The following ITFG1 variants were observed in gnomAD, a reference collection of about 807,000 sequenced individuals.
ITFG1 encodes integrin alpha FG-GAP repeat containing 1.
In ITFG1, 34 loss-of-function variants were observed where a neutral mutation model predicts 81.8. That is an observed-to-expected ratio of 0.42 (90% CI 0.32 to 0.55). The LOEUF is 0.55. Among genes scored for constraint, ITFG1 ranks in the 20% least tolerant of loss-of-function variants. The probability of loss-of-function intolerance (pLI) is 0.17; values close to 1 mark genes in which losing one functional copy is unlikely to be tolerated. For missense variants in ITFG1, 672 were observed against 755.4 expected, an observed-to-expected ratio of 0.89 and a Z score of 1.29; for synonymous variants, 285 against 270.6, an observed-to-expected ratio of 1.05 and a Z score of -0.52.
intron 14 of ITFG1, among the ~76,000 whole-genome samples, chr16:47,192,605 C>T (rs1289310115): frequency 6.6e-6 from 1 of 152,164 alleles, no homozygotes; most frequent in Non-Finnish European, 1.5e-5. Context: ...CCACCTGCCC[C>T]TTAGGTGAGA....
At chr16:47,227,895 A>AT (rs1451291012) in intron 13 of ITFG1, among the ~76,000 whole-genome samples, 1 of 152,124 alleles carries the variant, frequency 6.6e-6, no homozygotes, top group Non-Finnish European at 1.5e-5. Flanking sequence ...AATCCTGTTT[A>AT]TTTTTTAAGT....
At chr16:47,274,017 G>A (rs940279080) in intron 10 of ITFG1, among the ~76,000 whole-genome samples, 18 of 152,184 alleles carry the variant, frequency 1.2e-4, no homozygotes, top group Non-Finnish European at 2.6e-4. Context: ...AGCACTTTGG[G>A]AGACCGAGGT....
In ITFG1 at chr16:47,298,320, C is replaced by CT. The variant is rs1967016049; in HGVS notation, c.1070+12919dup. ...ATTTAAATTGGTATTTTGATTATTT[C>CT]TTTTTGGTTAGGATCTATTACCGGA... On this transcript the variant is annotated intron_variant, in intron 10 of 17. Transcript: ENST00000320640. Among the ~76,000 whole-genome samples, 3 of 151,974 alleles carry CT rather than the reference C, an allele frequency of 2.0e-5. No homozygotes were observed. In the South Asian group the frequency reaches 6.2e-4, roughly 31 times the overall value.
Position 47,243,337 on chromosome 16 carries a change from T to C in ITFG1, c.1331-5329A>G, listed in dbSNP as rs570827309. ...AAAAGGGAGACCTACTTTTATCATA[T>C]ACTCTTGTAGTTTTTAATAGACCAT... On this transcript the variant is annotated intron_variant, in intron 12 of 17. Transcript: ENST00000320640. Among the ~76,000 whole-genome samples, 4 of 152,306 alleles carry C rather than the reference T, an allele frequency of 2.6e-5. No individual in the cohort carries two copies. The East Asian group carries it at 5.8e-4, about 22-fold the overall frequency.
intron 5 of ITFG1, among the ~76,000 whole-genome samples, chr16:47,441,106 A>T (rs1969243439): frequency 6.6e-6 from 1 of 152,206 alleles, no homozygotes; most frequent in Admixed American, 6.5e-5. Context: ...CTCGACACAT[A>T]CACCCTCCCA....
chr16:47,405,881 A>C (rs1217974448), intron 6 of ITFG1, among the ~76,000 whole-genome samples: 4 of 152,206 alleles, frequency 2.6e-5, no homozygotes, highest in Non-Finnish European at 5.9e-5. Context: ...TCCTGGTTCT[A>C]ATAATAGATA....
chr16:47,293,291 G>A (rs1055831764), intron 10 of ITFG1, among the ~76,000 whole-genome samples: 1 of 150,934 alleles, frequency 6.6e-6, no homozygotes, highest in African/African-American at 2.4e-5. Flanking sequence ...ATCTTTGCTA[G>A]TATGAATACC....
At chr16:47,365,242 A>G (rs1354198217) in intron 8 of ITFG1, among the ~76,000 whole-genome samples, 2 of 152,178 alleles carry the variant, frequency 1.3e-5, no homozygotes, top group African/African-American at 2.4e-5. Context: ...CATCTCATAC[A>G]ATTACTCTGA....
chr16:47,209,822 G>C (rs1413987272), intron 14 of ITFG1, among the ~76,000 whole-genome samples: 1 of 152,114 alleles, frequency 6.6e-6, no homozygotes, highest in Non-Finnish European at 1.5e-5. Flanking sequence ...AAACTTCTGG[G>C]ATAGGCTTTT....
At chr16:47,241,181 T>C (rs902316602) in intron 12 of ITFG1, among the ~76,000 whole-genome samples, 1 of 152,156 alleles carries the variant, frequency 6.6e-6, no homozygotes, top group African/African-American at 2.4e-5. Flanking sequence ...ATTGGAACTC[T>C]CATACATTTC....
intron 2 of ITFG1, among the ~76,000 whole-genome samples, chr16:47,456,317 A>T (rs1969452270): frequency 6.6e-6 from 1 of 152,240 alleles, no homozygotes; most frequent in African/African-American, 2.4e-5. Context: ...TACATTTAAA[A>T]GATTAGGAGA....
At chr16:47,181,250 C>A (rs1965109165) in intron 14 of ITFG1, among the ~76,000 whole-genome samples, 1 of 147,714 alleles carries the variant, frequency 6.8e-6, no homozygotes, top group South Asian at 2.2e-4. Context: ...AAGTGAGGAG[C>A]CCCTCCGCCC....
At chr16:47,371,622 T>C (rs1188329784) in intron 7 of ITFG1, among the ~76,000 whole-genome samples, 4 of 152,290 alleles carry the variant, frequency 2.6e-5, no homozygotes, top group African/African-American at 9.6e-5. Flanking sequence ...TGAAGCAGTA[T>C]GTAATGATGA....
intron 14 of ITFG1, among the ~76,000 whole-genome samples, chr16:47,201,497 G>A (rs1334105119): frequency 2.0e-5 from 3 of 152,132 alleles, no homozygotes; most frequent in East Asian, 1.9e-4. Context: ...GTGAGCCACC[G>A]TGCCCGGCTA....
intron 7 of ITFG1, among the ~76,000 whole-genome samples, chr16:47,371,258 T>C (rs1487935070): frequency 1.3e-5 from 2 of 152,264 alleles, no homozygotes; most frequent in Non-Finnish European, 2.9e-5. Context: ...TCTTTAAGCA[T>C]TCCTTGACTT....
intron 14 of ITFG1, among the ~76,000 whole-genome samples, chr16:47,214,935 C>T (rs937096190): frequency 1.3e-4 from 20 of 151,718 alleles, no homozygotes; most frequent in African/African-American, 4.6e-4. Flanking sequence ...CACACACACA[C>T]ACACACACAC....
chr16:47,231,445 T>C (rs967585517), intron 13 of ITFG1, among the ~76,000 whole-genome samples: 3 of 152,258 alleles, frequency 2.0e-5, no homozygotes, highest in Non-Finnish European at 4.4e-5. Flanking sequence ...ACTCTTTTGA[T>C]TCACAGATAT....
chr16:47,347,901 A>G (rs1384566512), intron 8 of ITFG1, among the ~76,000 whole-genome samples: 4 of 152,120 alleles, frequency 2.6e-5, no homozygotes, highest in African/African-American at 9.7e-5. Flanking sequence ...TTCGCTGTTC[A>G]GCAACATTCA....
chr16:47,167,626 C>T (rs2151508836), intron 14 of ITFG1, among the ~76,000 whole-genome samples: 1 of 152,278 alleles, frequency 6.6e-6, no homozygotes, highest in Middle Eastern at 3.4e-3. Context: ...AAAACGGCCC[C>T]ACCCTTATCT....
Sources: gnomAD v4.1 joint callset for allele counts (sites outside exome capture counted in the v4.1 genomes callset) on GRCh38, gnomAD v4.1.1 for gene constraint, MANE v1.5 for transcripts, NCBI Gene and HGNC (gene_info 2026-07-23, HGNC 2026-07-21) for gene names.